Variants in BTBD8 observed in about 807,000 individuals in gnomAD.
BTBD8 encodes the protein BTB domain containing 8, also known as BTB/POZ domain-containing protein 8.
A neutral mutation model predicts 162.9 loss-of-function variants in BTBD8; 110 were observed. The ratio of observed to expected loss-of-function variants is 0.68; its 90% CI spans 0.58 to 0.79. The LOEUF is 0.79. Among genes scored for constraint, BTBD8 ranks in the 30% least tolerant of loss-of-function variants. The probability of loss-of-function intolerance (pLI) is 0.00; values close to 1 mark genes in which losing one functional copy is unlikely to be tolerated. For synonymous variants in BTBD8, 667 were observed against 716.1 expected (o/e 0.93, Z 1.10); for missense variants, 1,905 against 2,085.4 (o/e 0.91, Z 1.68).
At chr1:92,136,663 A>C (rs1183211730) in intron 5 of BTBD8, among the ~76,000 whole-genome samples, 1 of 152,256 alleles carries the variant, frequency 6.6e-6, no homozygotes, top group Non-Finnish European at 1.5e-5. Context: ...AAAATACTGC[A>C]AATCAGTTTG....
chr1:92,175,516 C>T (rs567405599), intron 13 of BTBD8, among the ~76,000 whole-genome samples: 10 of 137,748 alleles, frequency 7.3e-5, no homozygotes, highest in African/African-American at 2.5e-4. Context: ...CAATATTGGC[C>T]GGGCACAGTG....
intron 1 of BTBD8, among the ~76,000 whole-genome samples, chr1:92,082,515 G>C (rs1177235259): frequency 1.3e-5 from 2 of 152,168 alleles, no homozygotes; most frequent in Non-Finnish European, 1.5e-5. Context: ...AGCTCTTAGG[G>C]ATTGGTTAAG....
chr1:92,100,943 A>G (rs759531600), intron 2 of BTBD8, among the ~76,000 whole-genome samples: 5 of 152,002 alleles, frequency 3.3e-5, no homozygotes, highest in African/African-American at 1.2e-4. Context: ...TTATTTCCAT[A>G]GGTTTGTGGG....
At chr1:92,111,398 G>T (rs1648890796) in intron 4 of BTBD8, among the ~76,000 whole-genome samples, 1 of 152,064 alleles carries the variant, frequency 6.6e-6, no homozygotes. Flanking sequence ...TCATTCATTT[G>T]GTTAAGATGT....
chr1:92,177,232 G>T lies in BTBD8; in HGVS notation c.2039G>T (p.Gly680Val). 3 of 1,552,114 alleles carry T rather than the reference G, an allele frequency of 1.9e-6. No homozygotes were observed. In the South Asian group the frequency reaches 3.6e-5, roughly 18 times the overall value. ...TGQKNLLNGK[G>V]VRNQEGQISG... ...CAGAAGAATTTACTAAATGGAAAAG[G>T]AGTGAGAAATCAGGAAGGGCAAATT... Residue 680 changes from glycine (G) to valine (V), a missense_variant, in exon 14 of 18, where the codon GGA (glycine) becomes GTA (valine). Around this residue, in one of 3 missense-constraint regions of BTBD8, gnomAD observed 1,374 missense variants for 1,442.7 expected, o/e 0.95. Transcript: ENST00000636805.
At position 92,181,468 on chromosome 1, in the gene BTBD8, T is replaced by A; in HGVS notation, c.3785T>A (p.Ile1262Lys). 1 of 1,551,696 alleles carries A rather than the reference T, an allele frequency of 6.4e-7. No homozygotes were observed. Among genetic ancestry groups the A allele is most frequent in the East Asian group, 2.4e-5 (1 of 40,912 alleles). The stretch of plus-strand genomic sequence containing the variant: ...AGTGCTACCACCTCCTCCGATGACA[T>A]AAAGCCCAGATCTGAAGACTATGAT... Reference protein sequence around the residue: ...TGSATTSSDDIKPRSEDYDAG... With the variant: ...TGSATTSSDDKKPRSEDYDAG... The change falls in exon 17 of 18, where the codon ATA becomes AAA. Residue 1262 changes from isoleucine to lysine, a missense_variant. Ile to Lys is a moderately radical substitution (Grantham distance 102, BLOSUM62 -3). Transcript: ENST00000636805.
intron 10 of BTBD8, among the ~76,000 whole-genome samples, chr1:92,167,370 T>G (rs915167746): frequency 6.6e-6 from 1 of 152,204 alleles, no homozygotes; most frequent in African/African-American, 2.4e-5. Context: ...CAAGGCACAG[T>G]GTAATTCTGG....
In BTBD8 at chr1:92,177,541, C is replaced by A; in HGVS notation, c.2348C>A (p.Thr783Asn). ...KNSVDSVKNSTVAIKSRPVSR... is the reference protein window; with the variant it reads ...KNSVDSVKNSNVAIKSRPVSR... The stretch of plus-strand genomic sequence containing the variant: ...AGTGTAGATAGTGTCAAAAATTCCA[C>A]TGTAGGTGGGTTTTAGCACTGTAAT... Residue 783 changes from threonine to asparagine, a missense_variant, in exon 14 of 18, where the codon ACT becomes AAT. Around this residue, in one of 3 missense-constraint regions of BTBD8, gnomAD observed 1,374 missense variants for 1,442.7 expected, o/e 0.95. Coordinates refer to ENST00000636805, the MANE Select transcript of BTBD8 (RefSeq NM_001376131.1). 1 of 1,527,062 alleles carries A rather than the reference C, an allele frequency of 6.5e-7. No homozygotes were observed. The allele number at this position is 1,527,062 out of a possible 1,614,324, so 94.6% of individuals were successfully genotyped here. A position where few individuals can be genotyped will look rare whatever the true frequency, so the allele number is the denominator to read the frequency against.
In BTBD8 at chr1:92,177,711, T is replaced by C. The variant is rs957214726; in HGVS notation, c.2354-100T>C. 4.2e-5 allele frequency: 36 copies of C among 865,666 alleles called. No homozygotes were observed. The African/African-American group carries it at 5.0e-4, about 12-fold the overall frequency. 53.6% of individuals were successfully genotyped at this position (865,666 alleles called of 1,614,324 possible). On this transcript the variant is annotated intron_variant, in intron 14 of 17. Coordinates refer to ENST00000636805, the MANE Select transcript of BTBD8 (RefSeq NM_001376131.1). ...GAGAAAATGGTAGTCCTTCCCACTT[T>C]AATATTTCATTTTGTTTATAGTGTC...
At position 92,129,237 on chromosome 1, in the gene BTBD8, C is replaced by T. The variant is rs1330165903; in HGVS notation, c.663-450C>T. Among the ~76,000 whole-genome samples the T allele has an allele frequency of 3.3e-5, 5 of 152,072 alleles. No homozygotes were observed. The East Asian group carries it at 9.7e-4, about 29-fold the overall frequency. ...ACAATCAAAATGCTTAGTTATAAAT[C>T]CCAGCACTTCAGGAATAGGGGGATT... is the stretch of plus-strand genomic sequence containing the variant. On this transcript the variant is annotated intron_variant, in intron 4 of 17. Transcript: ENST00000636805.
intron 4 of BTBD8, 129 bp from the exon 5 acceptor site, chr1:92,129,558 G>A (rs893007107): frequency 1.4e-5 from 10 of 731,724 alleles, no homozygotes; most frequent in Non-Finnish European, 2.3e-5. Context: ...TAGTAATCCT[G>A]CCTATGAATA....
chr1:92,126,172 TG>T, intron 4 of BTBD8: 1 of 508,052 alleles, frequency 2.0e-6, no homozygotes, highest in Non-Finnish European at 3.9e-6. Flanking sequence ...CAGAAGATTG[TG>T]GTGCAGGGAG....
chr1:92,167,545 G>T (rs1417754424), intron 10 of BTBD8, among the ~76,000 whole-genome samples: 1 of 152,148 alleles, frequency 6.6e-6, no homozygotes, highest in Non-Finnish European at 1.5e-5. Flanking sequence ...TTATTTCTAG[G>T]TTCTGTATTT....
Position 92,182,412 on chromosome 1 carries a change from G to A in BTBD8, c.4729G>A (p.Val1577Ile), listed in dbSNP as rs1301823807. ...QQRSKFLDSDVKSQERPCHLD... is the reference protein window; with the variant it reads ...QQRSKFLDSDIKSQERPCHLD... ...ACGCAGCAAATTCTTGGATAGTGAT[G>A]TAAAATCTCAAGAAAGACCATGTCA... Residue 1577 changes from valine (V) to isoleucine (I), a missense_variant, in exon 17 of 18, where the codon GTA (valine) becomes ATA (isoleucine). By Grantham distance (29) the Val-to-Ile change is conservative. Around this residue, in one of 3 missense-constraint regions of BTBD8, gnomAD observed 517 missense variants for 606.6 expected, o/e 0.85. Transcript: ENST00000636805. The A allele has an allele frequency of 1.9e-6, 3 of 1,550,488 alleles. No homozygotes were observed. Among genetic ancestry groups the A allele is most frequent in the South Asian group, 1.2e-5 (1 of 83,640 alleles).
intron 1 of BTBD8, among the ~76,000 whole-genome samples, chr1:92,085,696 C>T (rs144944687): frequency 1.3e-5 from 2 of 152,244 alleles, no homozygotes; most frequent in East Asian, 3.9e-4. Context: ...CGCAACTGCA[C>T]TCCAGCCTGG....
chr1:92,182,137 A>C lies in BTBD8; in HGVS notation c.4454A>C (p.Tyr1485Ser). 6.4e-7 allele frequency: 1 copy of C among 1,551,242 alleles called. No individual in the cohort carries two copies. Among genetic ancestry groups the C allele is most frequent in the Non-Finnish European group, 8.7e-7 (1 of 1,146,682 alleles). ...CATGAACATCATGGAAGGACCTGCT[A>C]TTCCAGATTCTCACGAGAAAGTGAA... ...ISHEHHGRTC[Y>S]SRFSRESEDN... Residue 1485 changes from tyrosine to serine, a missense_variant, in exon 17 of 18, where the codon TAT becomes TCT. This residue lies in a region of BTBD8 where 517 missense variants were observed against 606.6 expected (regional missense o/e 0.85). Coordinates refer to ENST00000636805, the MANE Select transcript of BTBD8 (RefSeq NM_001376131.1).
chr1:92,102,386 G>C (rs1648612250), intron 2 of BTBD8, 87 bp from the exon 3 acceptor site: 12 of 1,076,424 alleles, frequency 1.1e-5, no homozygotes, highest in African/African-American at 1.6e-5. Context: ...TATTATATAT[G>C]AAAGTAGCAC....
Position 92,180,363 on chromosome 1 carries a change from A to G in BTBD8, c.2680A>G (p.Lys894Glu). Residue 894 changes from lysine (K) to glutamate (E), a missense_variant, in exon 17 of 18, where the codon AAA (lysine) becomes GAA (glutamate). By Grantham distance (56) the Lys-to-Glu change is moderately conservative. This residue lies in a region of BTBD8 where 1,374 missense variants were observed against 1,442.7 expected (regional missense o/e 0.95). Transcript: ENST00000636805. ...GTTGGACCACAATACAACTACAGAG[A>G]AACAAGCACCTAAGAGAAAAATGGT... ...AKLDHNTTTE[K>E]QAPKRKMVKQ... 6.4e-7 allele frequency: 1 copy of G among 1,551,710 alleles called. No individual in the cohort carries two copies. The highest frequency in any genetic ancestry group is 8.7e-7 in the Non-Finnish European group (1 of 1,146,966).
At chr1:92,156,256 C>G (rs1370391006) in intron 9 of BTBD8, among the ~76,000 whole-genome samples, 2 of 152,060 alleles carry the variant, frequency 1.3e-5, no homozygotes, top group African/African-American at 2.4e-5. Flanking sequence ...ATCCTTGTAT[C>G]CTAGGAATAA....
Sources: allele counts gnomAD v4.1 joint callset (sites outside exome capture counted in the v4.1 genomes callset), GRCh38; gene constraint gnomAD v4.1.1; regional missense constraint gnomAD v4.1.1; transcripts MANE v1.5; gene names NCBI Gene and HGNC (gene_info 2026-07-23, HGNC 2026-07-21).